The following GRM7 variants were observed in gnomAD, a reference collection of about 807,000 sequenced individuals.
The protein encoded by GRM7 is metabotropic glutamate receptor 7.
In GRM7, 35 loss-of-function variants were observed where a neutral mutation model predicts 84.5. The ratio of observed to expected loss-of-function variants is 0.41; its 90% confidence interval spans 0.32 to 0.55. The LOEUF is 0.55. Among genes scored for constraint, GRM7 ranks in the 20% least tolerant of loss-of-function variants. The pLI, the probability that GRM7 is intolerant of heterozygous loss-of-function variation, is 0.19. For synonymous variants in GRM7, 487 were observed against 455.1 expected (o/e 1.07, Z -0.89); for missense variants, 1,003 against 1,194.6 (o/e 0.84, Z 2.36).
At chr3:7,712,078 A>G (rs946576362) in intron 9 of GRM7, among the ~76,000 whole-genome samples, 3 of 152,170 alleles carry the variant, frequency 2.0e-5, no homozygotes, top group African/African-American at 7.2e-5. Flanking sequence ...GAGAAACTCA[A>G]TCTCCTTAGC....
At chr3:6,995,484 T>A (rs893920793) in intron 1 of GRM7, among the ~76,000 whole-genome samples, 1 of 152,238 alleles carries the variant, frequency 6.6e-6, no homozygotes, top group African/African-American at 2.4e-5. Flanking sequence ...TAACCTAGAC[T>A]ATACTGCCTA....
chr3:7,483,691 G>C (rs1205350149), intron 7 of GRM7, among the ~76,000 whole-genome samples: 1 of 152,032 alleles, frequency 6.6e-6, no homozygotes, highest in East Asian at 1.9e-4. Context: ...GAGCTATGGG[G>C]GTGAAAGCAA....
intron 5 of GRM7, among the ~76,000 whole-genome samples, chr3:7,430,497 C>T (rs1696783091): frequency 6.6e-6 from 1 of 152,156 alleles, no homozygotes; most frequent in African/African-American, 2.4e-5. Context: ...ATGGAGGAGC[C>T]AGCACTTTAT....
In GRM7 at chr3:6,901,604, T is replaced by TAAAAAAAAA. The variant is rs33945077; in HGVS notation, c.519+39722_519+39730dup. Among the ~76,000 whole-genome samples the TAAAAAAAAA allele has an allele frequency of 3.4e-3, 137 of 40,484 alleles. 8 individuals are homozygous for TAAAAAAAAA. Among genetic ancestry groups the TAAAAAAAAA allele is most frequent in the Non-Finnish European group, 3.6e-3 (83 of 23,144 alleles). The allele number at this position is 40,484 out of a possible 152,430, so 26.6% of individuals were successfully genotyped here. A position where few individuals can be genotyped will look rare whatever the true frequency, so the allele number is the denominator to read the frequency against. ...CCTGGTGACAGAGCAAGACTCCGTC[T>TAAAAAAAAA]AAAAAAAAAAAAAAAAAAAAAAAAA... On this transcript the variant is annotated intron_variant, in intron 1 of 9. Transcript: ENST00000357716.
At chr3:7,327,665 T>C (rs1469079330) in intron 4 of GRM7, among the ~76,000 whole-genome samples, 1 of 152,228 alleles carries the variant, frequency 6.6e-6, no homozygotes, top group Non-Finnish European at 1.5e-5. Context: ...GACTTGATTT[T>C]CACACCAACT....
At chr3:7,410,655 A>ACC (rs147226611) in intron 4 of GRM7, among the ~76,000 whole-genome samples, 1 of 135,252 alleles carries the variant, frequency 7.4e-6, no homozygotes, top group Non-Finnish European at 1.5e-5. Flanking sequence ...AACCACCACC[A>ACC]CCACACACAC....
At chr3:7,703,521 G>A (rs748082977) in intron 9 of GRM7, among the ~76,000 whole-genome samples, 17 of 151,958 alleles carry the variant, frequency 1.1e-4, no homozygotes, top group South Asian at 6.3e-4. Context: ...CTTCCAATCC[G>A]GGAGTTTCAG....
At chr3:7,135,241 A>G (rs900191856) in intron 1 of GRM7, among the ~76,000 whole-genome samples, 1 of 152,222 alleles carries the variant, frequency 6.6e-6, no homozygotes, top group African/African-American at 2.4e-5. Flanking sequence ...GAAAGGAGAT[A>G]AGTATAAATC....
intron 1 of GRM7, among the ~76,000 whole-genome samples, chr3:6,924,942 C>T (rs947585541): frequency 3.3e-5 from 5 of 152,038 alleles, no homozygotes; most frequent in Admixed American, 6.6e-5. Flanking sequence ...GGCTCATGAC[C>T]CTTGACTCTT....
At chr3:7,312,776 A>G (rs1700446356) in intron 4 of GRM7, among the ~76,000 whole-genome samples, 1 of 151,968 alleles carries the variant, frequency 6.6e-6, no homozygotes, top group African/African-American at 2.4e-5. Flanking sequence ...GAAAAAAAAA[A>G]TGTCATGTTA....
At chr3:7,711,201 T>C (rs1701565691) in intron 9 of GRM7, among the ~76,000 whole-genome samples, 1 of 152,100 alleles carries the variant, frequency 6.6e-6, no homozygotes, top group Non-Finnish European at 1.5e-5. Flanking sequence ...TATATCAAGA[T>C]AGAGTGTGGC....
chr3:7,342,460 G>A, intron 4 of GRM7, among the ~76,000 whole-genome samples: 1 of 152,052 alleles, frequency 6.6e-6, no homozygotes, highest in East Asian at 1.9e-4. Flanking sequence ...ATCTAGATTT[G>A]GCTTCAGAGT....
At chr3:7,485,613 G>A (rs1034284146) in intron 7 of GRM7, among the ~76,000 whole-genome samples, 3 of 152,172 alleles carry the variant, frequency 2.0e-5, no homozygotes, top group African/African-American at 7.2e-5. Context: ...TCAAAGTCAA[G>A]ATAAACATCA....
intron 8 of GRM7, among the ~76,000 whole-genome samples, chr3:7,668,641 G>A (rs981226997): frequency 8.5e-5 from 13 of 152,206 alleles, no homozygotes; most frequent in African/African-American, 3.1e-4. Flanking sequence ...TGGGGTAGAA[G>A]AACATACTAG....
chr3:7,578,961 G>T lies in GRM7; in HGVS notation c.2055G>T (p.Glu685Asp). 5 of 1,614,120 alleles carry T rather than the reference G, an allele frequency of 3.1e-6. No homozygotes were observed. Among genetic ancestry groups the T allele is most frequent in the Non-Finnish European group, 4.2e-6 (5 of 1,180,028 alleles). Residue 685 changes from glutamate (E) to aspartate (D), a missense_variant, in exon 8 of 10, where the codon GAG (glutamate) becomes GAT (aspartate). By Grantham distance (45) the Glu-to-Asp change is conservative. This residue lies in a region of GRM7 where 910 missense variants were observed against 1,126.0 expected (regional missense o/e 0.81). Transcript: ENST00000357716. ...TKTNRIYRIF[E>D]QGKKSVTAPR... The stretch of plus-strand genomic sequence containing the variant: ...CAAATCGGATTTATCGCATATTTGA[G>T]CAGGGCAAGAAATCAGTAACAGCTC...
At chr3:7,478,046 T>C (rs552993096) in intron 7 of GRM7, among the ~76,000 whole-genome samples, 38 of 152,264 alleles carry the variant, frequency 2.5e-4, no homozygotes, top group Middle Eastern at 3.4e-3. Context: ...GAGGTGTTTT[T>C]AAAAGCTCCA....
At chr3:7,290,570 G>A in intron 2 of GRM7, among the ~76,000 whole-genome samples, 1 of 152,180 alleles carries the variant, frequency 6.6e-6, no homozygotes, top group East Asian at 1.9e-4. Context: ...CTTGCATTCT[G>A]CTCAGAATGA....
At chr3:7,397,396 A>G (rs1695253712) in intron 4 of GRM7, among the ~76,000 whole-genome samples, 1 of 152,184 alleles carries the variant, frequency 6.6e-6, no homozygotes, top group Admixed American at 6.6e-5. Flanking sequence ...GCTTTACTAG[A>G]GGGTGAAAAG....
intron 1 of GRM7, among the ~76,000 whole-genome samples, chr3:6,956,397 A>T (rs1693049277): frequency 6.6e-6 from 1 of 152,198 alleles, no homozygotes; most frequent in Non-Finnish European, 1.5e-5. Context: ...TAGAGGATTA[A>T]TCATTACAGA....
Sources: allele counts gnomAD v4.1 joint callset (sites outside exome capture counted in the v4.1 genomes callset), GRCh38; gene constraint gnomAD v4.1.1; regional missense constraint gnomAD v4.1.1; transcripts MANE v1.5; gene names NCBI Gene and HGNC (gene_info 2026-07-23, HGNC 2026-07-21).